SP100: variants seen among roughly 807,000 people sequenced by gnomAD.
The protein encoded by SP100 is SP100 nuclear body protein, also known as nuclear autoantigen Sp-100.
SP100 carries 84 observed loss-of-function variants against 130.0 expected under a neutral mutation model. The observed-to-expected ratio is 0.65, with a 90% CI of 0.54 to 0.77. The LOEUF is 0.77. Ranked by LOEUF, SP100 falls within the 30% of genes least tolerant of loss-of-function variation. SP100 has a pLI of 0.00. For missense variants in SP100, 978 were observed against 1,052.2 expected, an observed-to-expected ratio of 0.93 and a Z score of 0.97; for synonymous variants, 331 against 351.7, an observed-to-expected ratio of 0.94 and a Z score of 0.66.
In SP100 at chr2:230,528,984, A is replaced by G. The variant is rs149139370; in HGVS notation, c.2095-10283A>G. ...CAGGACCAGACAGATTCACAGCCCA[A>G]TTCTACCAGAGGTACAAAGAGGAGC... On this transcript the variant is annotated intron_variant, in intron 24 of 28. Coordinates refer to ENST00000340126, the MANE Select transcript of SP100 (RefSeq NM_001080391.2). Among the ~76,000 whole-genome samples, 226 of 152,320 alleles carry G rather than the reference A, an allele frequency of 1.5e-3. 1 individual carries two copies. In the East Asian group the frequency reaches 0.015, roughly 10 times the overall value.
chr2:230,527,397 G>A (rs961744622), intron 24 of SP100, among the ~76,000 whole-genome samples: 3 of 152,122 alleles, frequency 2.0e-5, no homozygotes, highest in African/African-American at 7.2e-5. Context: ...TCACCACCAG[G>A]CTAGCCTTAC....
chr2:230,504,028 A>G (rs564364180), intron 20 of SP100, among the ~76,000 whole-genome samples, 158 bp from the exon 21 acceptor site: 1 of 152,264 alleles, frequency 6.6e-6, no homozygotes, highest in South Asian at 2.1e-4. Flanking sequence ...CAGCTATCTA[A>G]TGTGCCATGA....
chr2:230,477,140 C>T (rs1397015010), intron 17 of SP100, among the ~76,000 whole-genome samples: 9 of 152,126 alleles, frequency 5.9e-5, no homozygotes, highest in African/African-American at 2.2e-4. Flanking sequence ...GCTGGGATTA[C>T]AGGCATGAGC....
chr2:230,515,414 G>A (rs201301150), intron 24 of SP100: 2 of 1,613,842 alleles, frequency 1.2e-6, no homozygotes, highest in Admixed American at 1.7e-5. Flanking sequence ...AAACTGGCAG[G>A]GATGTGGAAT....
intron 17 of SP100, among the ~76,000 whole-genome samples, chr2:230,480,298 G>A (rs922843474): frequency 1.3e-5 from 2 of 152,158 alleles, no homozygotes; most frequent in Admixed American, 6.5e-5. Flanking sequence ...CTACCAGCTT[G>A]TGAAAATCTA....
In SP100 at chr2:230,469,031, T is replaced by C. The variant is rs763715500; in HGVS notation, c.1292-12T>C. The C allele has an allele frequency of 1.9e-6, 3 of 1,556,988 alleles. No homozygotes were observed. Among genetic ancestry groups the C allele is most frequent in the Non-Finnish European group, 2.6e-6 (3 of 1,135,136 alleles). On this transcript the variant is annotated splice_polypyrimidine_tract_variant and intron_variant, in intron 13 of 28. Transcript: ENST00000340126. ...TTAGATATTATTGATTTGGTTTTCC[T>C]TTACTTTCTAGCTCCTATGACTTCT... is the stretch of plus-strand genomic sequence containing the variant.
At position 230,506,332 on chromosome 2, in the gene SP100, G is replaced by T; in HGVS notation, c.1900G>T (p.Asp634Tyr). ...GTSKKCIQSE[D>Y]KKWFTPREFE... is the part of the protein sequence containing the mutation. ...CTCAAAGAAGTGTATACAGAGTGAG[G>T]ATAAAAAGTGGTTCACTCCCAGGGA... The change falls in exon 22 of 29, where the codon GAT (aspartate) becomes TAT (tyrosine). Residue 634 changes from aspartate to tyrosine, a missense_variant. By Grantham distance (160) the Asp-to-Tyr change is radical. Transcript: ENST00000340126. The T allele has an allele frequency of 6.2e-7, 1 of 1,613,902 alleles. No individual in the cohort carries two copies. Among genetic ancestry groups the T allele is most frequent in the Non-Finnish European group, 8.5e-7 (1 of 1,179,812 alleles).
intron 24 of SP100, among the ~76,000 whole-genome samples, chr2:230,513,123 G>T (rs769366738): frequency 2.6e-5 from 4 of 152,206 alleles, no homozygotes; most frequent in African/African-American, 9.7e-5. Flanking sequence ...AGTTGGTACA[G>T]GTCCTTATCC....
At chr2:230,527,164 G>A (rs773084337) in intron 24 of SP100, among the ~76,000 whole-genome samples, 1 of 152,132 alleles carries the variant, frequency 6.6e-6, no homozygotes, top group African/African-American at 2.4e-5. Context: ...AATGTTAAGG[G>A]CAGCCAGAGA....
intron 22 of SP100, 120 bp downstream of exon 22, chr2:230,506,565 C>A: frequency 1.0e-6 from 1 of 954,986 alleles, no homozygotes; most frequent in Non-Finnish European, 1.6e-6. Flanking sequence ...CCCAGGTCTC[C>A]ATGCATATGT....
At chr2:230,526,054 G>T (rs1017532256) in intron 24 of SP100, among the ~76,000 whole-genome samples, 4 of 152,194 alleles carry the variant, frequency 2.6e-5, no homozygotes, top group Non-Finnish European at 5.9e-5. Context: ...GAGAGCAGTG[G>T]TTCTCTCAGC....
At chr2:230,446,689 C>G in intron 4 of SP100, 130 bp from the exon 5 acceptor site, 1 of 605,890 alleles carries the variant, frequency 1.7e-6, no homozygotes, top group Non-Finnish European at 3.0e-6. Context: ...GACGGGAGAA[C>G]TTTAGGTCAT....
intron 17 of SP100, among the ~76,000 whole-genome samples, chr2:230,487,860 T>C (rs1307261090): frequency 1.3e-5 from 2 of 152,228 alleles, no homozygotes; most frequent in Non-Finnish European, 2.9e-5. Flanking sequence ...TTTTATTTCC[T>C]TGAGCAGTGG....
At chr2:230,495,954 AATGAT>A (rs1164755329) in intron 18 of SP100, among the ~76,000 whole-genome samples, 2 of 152,150 alleles carry the variant, frequency 1.3e-5, no homozygotes, top group Non-Finnish European at 2.9e-5. Flanking sequence ...TGTTTATGTA[AATGAT>A]ATATTTTCAA....
In SP100 at chr2:230,446,870, A is replaced by G. The variant is rs781001734; in HGVS notation, c.491A>G (p.Glu164Gly). Residue 164 changes from glutamate to glycine, a missense_variant, in exon 5 of 29, where the codon GAG (glutamate) becomes GGG (glycine). Physicochemically the swap from Glu to Gly is moderately conservative, Grantham distance 98 (BLOSUM62 -2). Transcript: ENST00000340126. ...GAAAGTGAAGAAGAAGAGAGGGAGG[A>G]GAGGTCTGGCCTCCAACTAAGTCTT... is the stretch of plus-strand genomic sequence containing the variant. ...LQESEEEERE[E>G]RSGLQLSLEQ... 1 of 1,611,676 alleles carries G rather than the reference A, an allele frequency of 6.2e-7. No homozygotes were observed. Among genetic ancestry groups the G allele is most frequent in the Non-Finnish European group, 8.5e-7 (1 of 1,178,078 alleles).
chr2:230,542,932 A>G lies in SP100; in HGVS notation c.2644A>G (p.Ile882Val). 6.3e-7 allele frequency: 1 copy of G among 1,586,456 alleles called. No homozygotes were observed. The highest frequency in any genetic ancestry group is 1.1e-5 in the South Asian group (1 of 90,386). ...AATTCAGGAAACAAGCAAGAACATTATAATGTTTATTTAGCCATTCTTATC... is the reference window on the plus strand; with the variant it reads ...AATTCAGGAAACAAGCAAGAACATTGTAATGTTTATTTAGCCATTCTTATC... The part of the protein sequence containing the change: ...FAIQETSKNI[I>V]MFI The change falls in exon 29 of 29, where the codon ATA (isoleucine) becomes GTA (valine). Residue 882 changes from isoleucine (I) to valine (V), a missense_variant. Transcript: ENST00000340126.
chr2:230,541,186 C>A, intron 26 of SP100, 115 bp from the exon 27 acceptor site: 2 of 1,225,704 alleles, frequency 1.6e-6, no homozygotes, highest in Middle Eastern at 1.9e-4. Flanking sequence ...CTCCCCATGC[C>A]ATGTTTGTTT....
rs747484500 is a variant in SP100, at chr2:230,469,012, A to G, written c.1292-31A>G. The stretch of plus-strand genomic sequence containing the variant: ...AGATTTATAGATCTTTTAGTTAGAT[A>G]TTATTGATTTGGTTTTCCTTTACTT... On this transcript the variant is annotated intron_variant, in intron 13 of 28. Coordinates refer to ENST00000340126, the MANE Select transcript of SP100 (RefSeq NM_001080391.2). 54 of 1,358,452 alleles carry G rather than the reference A, an allele frequency of 4.0e-5. No individual in the cohort carries two copies. The Admixed American group carries it at 9.3e-4, about 23-fold the overall frequency. The allele number at this position is 1,358,452 out of a possible 1,614,324, so 84.1% of individuals were successfully genotyped here. A position where few individuals can be genotyped will look rare whatever the true frequency, so the allele number is the denominator to read the frequency against.
chr2:230,506,049 T>C (rs1485496253), intron 21 of SP100, among the ~76,000 whole-genome samples: 1 of 152,154 alleles, frequency 6.6e-6, no homozygotes. Flanking sequence ...CAAAATACGT[T>C]GAAAAGGTAA....
Sources: allele counts gnomAD v4.1 joint callset (sites outside exome capture counted in the v4.1 genomes callset), GRCh38; gene constraint gnomAD v4.1.1; transcripts MANE v1.5; gene names NCBI Gene and HGNC (gene_info 2026-07-23, HGNC 2026-07-21).